The following CPNE8 variants were observed in gnomAD, a reference collection of about 807,000 sequenced individuals.
CPNE8 encodes the protein copine 8.
Under a neutral mutation model 81.5 loss-of-function variants are expected in CPNE8, and 45 were observed. That is an observed-to-expected ratio of 0.55 (90% confidence interval 0.44 to 0.71). The LOEUF (loss-of-function observed/expected upper bound fraction) is 0.71. Among genes scored for constraint, CPNE8 ranks in the 30% least tolerant of loss-of-function variants. The probability of loss-of-function intolerance (pLI) is 0.00; values close to 1 mark genes in which losing one functional copy is unlikely to be tolerated. For missense variants in CPNE8, 594 were observed against 672.1 expected, an observed-to-expected ratio of 0.88 and a Z score of 1.28; for synonymous variants, 252 against 226.3, an observed-to-expected ratio of 1.11 and a Z score of -1.02.
intron 19 of CPNE8, among the ~76,000 whole-genome samples, chr12:38,658,016 C>T (rs1471327509): frequency 6.6e-6 from 1 of 152,102 alleles, no homozygotes; most frequent in African/African-American, 2.4e-5. Context: ...AGCTCCTTGC[C>T]AGTAATGGAA....
At chr12:38,835,670 C>T (rs1206886128) in intron 5 of CPNE8, among the ~76,000 whole-genome samples, 1 of 152,166 alleles carries the variant, frequency 6.6e-6, no homozygotes, top group East Asian at 1.9e-4. Flanking sequence ...ATGAAAGAAT[C>T]TTGCCCCACT....
At chr12:38,799,698 G>A (rs1047717645) in intron 6 of CPNE8, among the ~76,000 whole-genome samples, 55 of 151,870 alleles carry the variant, frequency 3.6e-4, no homozygotes, top group Non-Finnish European at 5.0e-4. Flanking sequence ...AGCTCCCAGC[G>A]TGAGCGACGC....
chr12:38,816,504 G>A (rs1555164421), intron 6 of CPNE8, among the ~76,000 whole-genome samples: 1 of 152,128 alleles, frequency 6.6e-6, no homozygotes, highest in Non-Finnish European at 1.5e-5. Flanking sequence ...AAACCTAACA[G>A]GAGCAACTAT....
At chr12:38,736,217 A>G (rs1049818540) in intron 10 of CPNE8, among the ~76,000 whole-genome samples, 10 of 79,876 alleles carry the variant, frequency 1.3e-4, no homozygotes, top group South Asian at 1.1e-3. Flanking sequence ...CTGGGTGTAT[A>G]TATGTGTGTG....
chr12:38,825,182 TC>T (rs1459593665), intron 6 of CPNE8, among the ~76,000 whole-genome samples: 1 of 152,208 alleles, frequency 6.6e-6, no homozygotes, highest in Non-Finnish European at 1.5e-5. Flanking sequence ...CATGGAGGCT[TC>T]GAAGTTGTGT....
At chr12:38,899,518 T>C (rs191843918) in intron 1 of CPNE8, among the ~76,000 whole-genome samples, 3 of 151,792 alleles carry the variant, frequency 2.0e-5, no homozygotes, top group African/African-American at 7.2e-5. Flanking sequence ...TAGCCAGAAC[T>C]GAACCAGACA....
Position 38,840,965 on chromosome 12 carries a change from A to T in CPNE8, c.291-1010T>A, listed in dbSNP as rs930096001. On this transcript the variant is annotated intron_variant, in intron 4 of 19. Transcript: ENST00000331366. Reference sequence around the variant, plus strand: ...TTCTCCCAAATCATATTCATTTCAAATTTCTTGTGAATAACCTCCTACCAA... The same window carrying T: ...TTCTCCCAAATCATATTCATTTCAATTTTCTTGTGAATAACCTCCTACCAA... Among the ~76,000 whole-genome samples, 13 of 152,290 alleles carry T rather than the reference A, an allele frequency of 8.5e-5. No individual in the cohort carries two copies. In the South Asian group the frequency reaches 2.7e-3, roughly 32 times the overall value.
intron 6 of CPNE8, among the ~76,000 whole-genome samples, chr12:38,788,804 T>C (rs1394765194): frequency 6.6e-6 from 1 of 151,778 alleles, no homozygotes; most frequent in Admixed American, 6.6e-5. Context: ...AGAATTTCTG[T>C]ATGTCAAAGT....
At chr12:38,662,428 C>T (rs1356525695) in intron 19 of CPNE8, among the ~76,000 whole-genome samples, 2 of 151,760 alleles carry the variant, frequency 1.3e-5, no homozygotes, top group Non-Finnish European at 2.9e-5. Context: ...ACTAGAAATA[C>T]GTTTAATCAA....
chr12:38,720,446 G>A (rs972281413), intron 13 of CPNE8, among the ~76,000 whole-genome samples: 18 of 152,074 alleles, frequency 1.2e-4, no homozygotes, highest in Non-Finnish European at 1.9e-4. Flanking sequence ...ACCGCTGACC[G>A]AACGTACTGG....
At chr12:38,689,457 A>G (rs1939618002) in intron 15 of CPNE8, among the ~76,000 whole-genome samples, 2 of 152,314 alleles carry the variant, frequency 1.3e-5, no homozygotes, top group Admixed American at 1.3e-4. Flanking sequence ...AGAAGCTCTT[A>G]GGGGCTGTTG....
At chr12:38,905,989 C>G (rs1944566233), upstream of CPNE8, 2 of 985,334 alleles carry the variant, frequency 2.0e-6, no homozygotes, top group South Asian at 4.7e-5. Flanking sequence ...CCACACTCGC[C>G]TCCTGGGCCG....
At chr12:38,819,863 G>T (rs1943086376) in intron 6 of CPNE8, among the ~76,000 whole-genome samples, 1 of 150,984 alleles carries the variant, frequency 6.6e-6, no homozygotes, top group African/African-American at 2.4e-5. Flanking sequence ...ACCAAGATAA[G>T]TGTGATGCTT....
At chr12:38,817,717 G>A (rs1943049931) in intron 6 of CPNE8, among the ~76,000 whole-genome samples, 1 of 138,418 alleles carries the variant, frequency 7.2e-6, no homozygotes, top group African/African-American at 2.7e-5. Flanking sequence ...TCCGCCTCCT[G>A]GGTTCATGCC....
At chr12:38,772,251 G>C (rs148313789) in intron 7 of CPNE8, among the ~76,000 whole-genome samples, 1 of 152,226 alleles carries the variant, frequency 6.6e-6, no homozygotes, top group East Asian at 1.9e-4. Flanking sequence ...TGGTAGAAGA[G>C]TGAGCTAAAT....
chr12:38,667,942 C>T (rs1488952414), intron 19 of CPNE8, among the ~76,000 whole-genome samples: 2 of 152,054 alleles, frequency 1.3e-5, no homozygotes, highest in Admixed American at 6.6e-5. Context: ...AGATTACAGG[C>T]GCCCGCCACC....
At chr12:38,780,337 T>G (rs113864241) in intron 6 of CPNE8, among the ~76,000 whole-genome samples, 2,613 of 152,208 alleles carry the variant, frequency 0.017, 37 homozygotes, top group Middle Eastern at 0.058. Context: ...ATGAAGAGGT[T>G]TGGAGTCACA....
chr12:38,802,607 G>C (rs544178307), intron 6 of CPNE8, among the ~76,000 whole-genome samples: 2 of 148,138 alleles, frequency 1.4e-5, no homozygotes, highest in African/African-American at 5.0e-5. Flanking sequence ...AACTATAAAA[G>C]CAAGAGCAAA....
chr12:38,691,476 C>G (rs1939674895), intron 15 of CPNE8, among the ~76,000 whole-genome samples: 1 of 152,096 alleles, frequency 6.6e-6, no homozygotes, highest in Admixed American at 6.5e-5. Context: ...CACTGAAAAC[C>G]TACTTAACCT....
Sources: allele counts gnomAD v4.1 joint callset (sites outside exome capture counted in the v4.1 genomes callset), GRCh38; gene constraint gnomAD v4.1.1; transcripts MANE v1.5; gene names NCBI Gene and HGNC (gene_info 2026-07-23, HGNC 2026-07-21).